The following PDE3B variants were observed in gnomAD, a reference collection of about 807,000 sequenced individuals.
The protein encoded by PDE3B is cGMP-inhibited 3',5'-cyclic phosphodiesterase 3B.
A neutral mutation model predicts 116.8 loss-of-function variants in PDE3B; 66 were observed. The observed-to-expected ratio is 0.56, with a 90% CI of 0.46 to 0.69. The LOEUF is 0.69. PDE3B is among the 30% of genes least tolerant of loss of function. The probability of loss-of-function intolerance (pLI) is 0.00; values close to 1 mark genes in which losing one functional copy is unlikely to be tolerated. For synonymous variants in PDE3B, 595 were observed against 533.6 expected, an observed-to-expected ratio of 1.12 and a Z score of -1.59; for missense variants, 1,384 against 1,368.1, an observed-to-expected ratio of 1.01 and a Z score of -0.18.
At chr11:14,892,902 A>T in the PDE3B span, among the ~76,000 whole-genome samples, 1 of 152,216 alleles carries the variant, frequency 6.6e-6, no homozygotes, top group South Asian at 2.1e-4. Context: ...TTGTTCACGG[A>T]GAGTATTTAC....
the PDE3B span, chr11:14,880,662 G>C: frequency 4.4e-6 from 7 of 1,596,874 alleles, no homozygotes; most frequent in South Asian, 8.0e-5. Flanking sequence ...TTTCTTCCAA[G>C]ATTTTAGATT....
At chr11:14,663,524 T>G (rs1047077803) in intron 1 of PDE3B, among the ~76,000 whole-genome samples, 5 of 151,986 alleles carry the variant, frequency 3.3e-5, no homozygotes, top group Non-Finnish European at 7.4e-5. Context: ...TCAAAAAACC[T>G]GTCTCACGTG....
At chr11:14,654,787 TAC>T (rs59557281) in intron 1 of PDE3B, among the ~76,000 whole-genome samples, 28,919 of 141,710 alleles carry the variant, frequency 0.2, 2,739 homozygotes, top group East Asian at 0.26. Context: ...AGCAGCTGTC[TAC>T]ACACACACAC....
At chr11:14,698,731 C>T (rs1461881869) in intron 1 of PDE3B, 1 of 151,772 alleles carries the variant, frequency 6.6e-6, no homozygotes, top group Non-Finnish European at 1.5e-5. Context: ...ATCTCTTTTT[C>T]TCTTTTTAAA....
chr11:14,689,629 G>T (rs1244722088), intron 1 of PDE3B, among the ~76,000 whole-genome samples: 1 of 152,166 alleles, frequency 6.6e-6, no homozygotes, highest in Non-Finnish European at 1.5e-5. Context: ...AATACATTAT[G>T]TAGGTTTTTA....
At chr11:14,880,561 T>TTGGTTATGTTTGAAA in the PDE3B span, 1 of 1,613,444 alleles carries the variant, frequency 6.2e-7, no homozygotes, top group Non-Finnish European at 8.5e-7. Flanking sequence ...AATGATCAGA[T>TTGGTTATGTTTGAAA]TGGTTATGTT....
At chr11:14,820,126 T>A (rs1174080641) in intron 7 of PDE3B, among the ~76,000 whole-genome samples, 1 of 152,146 alleles carries the variant, frequency 6.6e-6, no homozygotes, top group Non-Finnish European at 1.5e-5. Context: ...AGTTTTTTGT[T>A]TTTTACATTT....
chr11:14,673,731 G>A, intron 1 of PDE3B: 1 of 764,074 alleles, frequency 1.3e-6, no homozygotes, highest in Non-Finnish European at 2.5e-6. Context: ...AGGTGTATAG[G>A]CCAACATTGC....
rs1323183533 is a variant in PDE3B, at chr11:14,861,490, A to C, written c.2886+124A>C. On this transcript the variant is annotated intron_variant, in intron 14 of 15. Coordinates refer to ENST00000282096, the MANE Select transcript of PDE3B (RefSeq NM_000922.4). ...AGTTGCTTTGACTGGGAAGGGTTAA[A>C]AATTGTTGCATTTGCTTTGGTTCTT... The C allele has an allele frequency of 4.7e-6, 4 of 845,016 alleles. No individual in the cohort carries two copies. The African/African-American group carries it at 5.1e-5, about 11-fold the overall frequency. The allele number at this position is 845,016 out of a possible 1,614,324, so 52.3% of individuals were successfully genotyped here.
intron 1 of PDE3B, among the ~76,000 whole-genome samples, chr11:14,659,054 G>A (rs1853807412): frequency 6.6e-6 from 1 of 152,136 alleles, no homozygotes; most frequent in Non-Finnish European, 1.5e-5. Context: ...TAAGGAATAA[G>A]TTCTTGATGT....
intron 1 of PDE3B, among the ~76,000 whole-genome samples, chr11:14,710,041 CAT>C (rs1174744275): frequency 6.6e-6 from 1 of 152,166 alleles, no homozygotes; most frequent in Non-Finnish European, 1.5e-5. Context: ...AGCATAAAGT[CAT>C]AGTCAGTTTT....
intron 1 of PDE3B, among the ~76,000 whole-genome samples, chr11:14,703,059 G>A (rs561067583): frequency 6.6e-6 from 1 of 151,964 alleles, no homozygotes; most frequent in East Asian, 1.9e-4. Flanking sequence ...TCAGTCTGAG[G>A]CAAGTAGTCA....
intron 1 of PDE3B, among the ~76,000 whole-genome samples, chr11:14,711,723 A>G (rs1348150878): frequency 6.6e-6 from 1 of 152,322 alleles, no homozygotes; most frequent in African/African-American, 2.4e-5. Flanking sequence ...GGGGATTACA[A>G]TTCAACATGA....
At chr11:14,851,509 G>GGTGT (rs35913217) in intron 12 of PDE3B, among the ~76,000 whole-genome samples, 15,874 of 148,408 alleles carry the variant, frequency 0.11, 902 homozygotes, top group African/African-American at 0.16. Flanking sequence ...GGTATAATGG[G>GGTGT]GTGTGTGTGT....
At chr11:14,696,529 C>G (rs1435655402) in intron 1 of PDE3B, among the ~76,000 whole-genome samples, 1 of 152,096 alleles carries the variant, frequency 6.6e-6, no homozygotes, top group Non-Finnish European at 1.5e-5. Context: ...ATTTGCATTT[C>G]TATGGTGCTG....
intron 7 of PDE3B, among the ~76,000 whole-genome samples, chr11:14,828,991 G>A (rs894040936): frequency 6.6e-6 from 1 of 152,138 alleles, no homozygotes; most frequent in Non-Finnish European, 1.5e-5. Context: ...TAAAAAGAAT[G>A]AGATTGTGTC....
Position 14,713,452 on chromosome 11 carries a change from G to A in PDE3B, c.979-58485G>A, listed in dbSNP as rs147797020. 6.4e-4 allele frequency among the ~76,000 whole-genome samples: 98 copies of A among 152,258 alleles called. 1 individual carries two copies. The East Asian group carries it at 0.016, about 25-fold the overall frequency. On this transcript the variant is annotated intron_variant, in intron 1 of 15. Coordinates refer to ENST00000282096, the MANE Select transcript of PDE3B (RefSeq NM_000922.4). ...AGAGAGAATTCTTTCCTACCTGACT[G>A]CCTTCAAACTGGGACATTGGCTTTT...
intron 1 of PDE3B, among the ~76,000 whole-genome samples, chr11:14,756,536 A>G (rs1188116010): frequency 1.3e-5 from 2 of 152,064 alleles, no homozygotes; most frequent in East Asian, 1.9e-4. Flanking sequence ...CTGCCCTTTC[A>G]TCTCCTGCTG....
chr11:14,666,516 AT>A, intron 1 of PDE3B, among the ~76,000 whole-genome samples: 1 of 149,990 alleles, frequency 6.7e-6, no homozygotes, highest in East Asian at 2.0e-4. Context: ...ATGGGAGAAA[AT>A]TTTCGCAACC....
Sources: allele counts gnomAD v4.1 joint callset (sites outside exome capture counted in the v4.1 genomes callset), GRCh38; gene constraint gnomAD v4.1.1; transcripts MANE v1.5; gene names NCBI Gene and HGNC (gene_info 2026-07-23, HGNC 2026-07-21).